SMOC2: variants seen among roughly 807,000 people sequenced by gnomAD.
SMOC2 encodes the protein SPARC-related modular calcium-binding protein 2.
A neutral mutation model predicts 61.4 loss-of-function variants in SMOC2; 39 were observed. The observed-to-expected ratio is 0.64, with a 90% CI of 0.49 to 0.83. The LOEUF (loss-of-function observed/expected upper bound fraction) is 0.83, where lower values mean the gene tolerates loss of function less well. Among genes scored for constraint, SMOC2 ranks in the 40% least tolerant of loss-of-function variants. The probability of loss-of-function intolerance (pLI) is 0.00; values close to 1 mark genes in which losing one functional copy is unlikely to be tolerated. For synonymous variants in SMOC2, 247 were observed against 239.9 expected (o/e 1.03, Z -0.27); for missense variants, 556 against 592.9 (o/e 0.94, Z 0.65).
rs1294918023 is a variant in SMOC2 at position 168,608,237 on chromosome 6, A to C, written c.905A>C (p.Gln302Pro). ...ARDLYKGRQL[Q>P]GCPGAKKHEF... is the part of the protein sequence containing the mutation. The stretch of plus-strand genomic sequence containing the variant: ...GACCTGTACAAGGGCCGCCAGCTAC[A>C]AGGTGAGCAGCACCCGCGAGTGTGG... Residue 302 changes from glutamine (Q) to proline (P), a missense_variant and splice_region_variant, in exon 9 of 13, where the codon CAA becomes CCA. Transcript: ENST00000356284. The C allele has an allele frequency of 6.2e-7, 1 of 1,611,872 alleles. No individual in the cohort carries two copies. Among genetic ancestry groups the C allele is most frequent in the East Asian group, 2.2e-5 (1 of 44,834 alleles).
intron 1 of SMOC2, among the ~76,000 whole-genome samples, chr6:168,502,206 A>T (rs1472963371): frequency 6.6e-6 from 1 of 152,192 alleles, no homozygotes; most frequent in Non-Finnish European, 1.5e-5. Context: ...TGCAAATAAC[A>T]TCTTCATATC....
intron 7 of SMOC2, among the ~76,000 whole-genome samples, chr6:168,566,087 T>A (rs1562351862): frequency 6.6e-6 from 1 of 152,214 alleles, no homozygotes; most frequent in Non-Finnish European, 1.5e-5. Flanking sequence ...ATAGTTGAAG[T>A]GAACTAAGAA....
At chr6:168,656,535 A>G (rs1249649658) in intron 11 of SMOC2, among the ~76,000 whole-genome samples, 4 of 142,726 alleles carry the variant, frequency 2.8e-5, no homozygotes, top group African/African-American at 1.0e-4. Flanking sequence ...AAAAAAGAAA[A>G]GAAAAGAAAA....
At chr6:168,564,506 G>C (rs377052160) in intron 7 of SMOC2, among the ~76,000 whole-genome samples, 1 of 152,108 alleles carries the variant, frequency 6.6e-6, no homozygotes, top group Non-Finnish European at 1.5e-5. Flanking sequence ...AAACATTCTA[G>C]CTAAGCTAGA....
At chr6:168,502,771 A>T (rs1048951210) in intron 1 of SMOC2, among the ~76,000 whole-genome samples, 10 of 119,366 alleles carry the variant, frequency 8.4e-5, no homozygotes, top group Non-Finnish European at 1.4e-4. Context: ...ATTTAATTTA[A>T]TTTATGTTAT....
intron 8 of SMOC2, among the ~76,000 whole-genome samples, chr6:168,602,386 G>C (rs1166456222): frequency 6.6e-6 from 1 of 152,156 alleles, no homozygotes; most frequent in Admixed American, 6.5e-5. Context: ...GCTTGTTCAT[G>C]TTATAGCTGT....
rs375650142 is a variant in SMOC2 at position 168,608,347 on chromosome 6, G to A, written c.907+108G>A. The A allele has an allele frequency of 9.9e-5, 126 of 1,272,070 alleles. 2 individuals carry two copies. In the Middle Eastern group the frequency reaches 9.7e-3, roughly 98 times the overall value. 78.8% of individuals were successfully genotyped at this position (1,272,070 alleles called of 1,614,324 possible). On this transcript the variant is annotated intron_variant, in intron 9 of 12. Transcript: ENST00000356284. ...TCTGACTCTGTTTCCCAGGGGGCCT[G>A]TCTGACTCTGAGGCCTCCTACCTCC...
intron 1 of SMOC2, among the ~76,000 whole-genome samples, chr6:168,447,262 G>T (rs1216628019): frequency 6.6e-6 from 1 of 152,048 alleles, no homozygotes; most frequent in Non-Finnish European, 1.5e-5. Context: ...TTAGAAATGA[G>T]GTTTTGCCAT....
At position 168,579,910 on chromosome 6, in the gene SMOC2, G is replaced by A. The variant is rs114407274; in HGVS notation, c.638-18908G>A. 8.4e-3 allele frequency among the ~76,000 whole-genome samples: 1,273 copies of A among 152,326 alleles called. 7 individuals carry two copies. The highest frequency in any genetic ancestry group is 0.05 in the South Asian group (241 of 4,826). Reference sequence around the variant, plus strand: ...GCTTATGTTGGTGTGGTTGTCACTGGTAGAGAAATGTGGAAAGTTGGCCTT... The same window carrying A: ...GCTTATGTTGGTGTGGTTGTCACTGATAGAGAAATGTGGAAAGTTGGCCTT... On this transcript the variant is annotated intron_variant, in intron 7 of 12. Transcript: ENST00000356284.
intron 1 of SMOC2, among the ~76,000 whole-genome samples, chr6:168,446,055 A>T (rs563017770): frequency 6.6e-6 from 1 of 152,232 alleles, no homozygotes; most frequent in African/African-American, 2.4e-5. Context: ...TAACATTTAT[A>T]TATTTTTGAA....
In SMOC2 at chr6:168,614,137, A is replaced by G. The variant is rs1473371512; in HGVS notation, c.907+5898A>G. ...ATGGAGCCTCTTCACACCTACAGCC[A>G]GCACAGGGGGCCTCTTCACACCTAC... On this transcript the variant is annotated intron_variant, in intron 9 of 12. Coordinates refer to ENST00000356284, the MANE Select transcript of SMOC2 (RefSeq NM_001166412.2). Among the ~76,000 whole-genome samples, 14 of 76,758 alleles carry G rather than the reference A, an allele frequency of 1.8e-4. 1 individual carries two copies. The highest frequency in any genetic ancestry group is 7.7e-4 in the African/African-American group (14 of 18,088). The allele number at this position is 76,758 out of a possible 152,430, so 50.4% of individuals were successfully genotyped here. A position where few individuals can be genotyped will look rare whatever the true frequency, so the allele number is the denominator to read the frequency against.
intron 9 of SMOC2, among the ~76,000 whole-genome samples, chr6:168,618,543 G>A (rs2115227292): frequency 6.6e-6 from 1 of 151,186 alleles, no homozygotes; most frequent in Non-Finnish European, 1.5e-5. Flanking sequence ...GGAGAGGTGG[G>A]TAGTGGCATT....
At chr6:168,663,734 T>C (rs1371402438) in intron 11 of SMOC2, among the ~76,000 whole-genome samples, 3 of 152,214 alleles carry the variant, frequency 2.0e-5, no homozygotes, top group Admixed American at 6.5e-5. Flanking sequence ...TAAAAAAATG[T>C]AGTATAGCAA....
At chr6:168,515,803 G>A (rs748779366) in intron 2 of SMOC2, among the ~76,000 whole-genome samples, 34 of 151,894 alleles carry the variant, frequency 2.2e-4, no homozygotes, top group Non-Finnish European at 4.0e-4. Flanking sequence ...GGGGCTTGGT[G>A]TCTACTCAGC....
intron 4 of SMOC2, among the ~76,000 whole-genome samples, chr6:168,540,130 A>G (rs1051682068): frequency 2.0e-5 from 3 of 152,174 alleles, no homozygotes; most frequent in African/African-American, 7.2e-5. Flanking sequence ...CGCCTCCCCA[A>G]ATTGGACTAA....
intron 1 of SMOC2, among the ~76,000 whole-genome samples, chr6:168,458,868 C>T (rs1486723439): frequency 6.6e-6 from 1 of 152,156 alleles, no homozygotes; most frequent in East Asian, 1.9e-4. Context: ...TACTAATTCT[C>T]ATTGTATAAT....
At chr6:168,549,081 G>A (rs764336816) in intron 6 of SMOC2, 48 bp from the exon 7 acceptor site, 4 of 1,491,054 alleles carry the variant, frequency 2.7e-6, no homozygotes, top group Non-Finnish European at 3.7e-6. Flanking sequence ...GGAACATTGT[G>A]CTTTCGTGAT....
intron 12 of SMOC2, 90 bp downstream of exon 12, chr6:168,664,201 T>G: frequency 2.4e-5 from 24 of 986,018 alleles, no homozygotes; most frequent in Non-Finnish European, 3.3e-5. Context: ...CAATGGCCAG[T>G]ACCTTCCAAG....
intron 2 of SMOC2, among the ~76,000 whole-genome samples, chr6:168,518,795 G>A (rs1783225832): frequency 6.6e-6 from 1 of 150,538 alleles, no homozygotes; most frequent in Non-Finnish European, 1.5e-5. Context: ...AAGCATGTAT[G>A]TGCTTGTGTG....
Sources: gnomAD v4.1 joint callset for allele counts (sites outside exome capture counted in the v4.1 genomes callset) on GRCh38, gnomAD v4.1.1 for gene constraint, MANE v1.5 for transcripts, NCBI Gene and HGNC (gene_info 2026-07-23, HGNC 2026-07-21) for gene names.